The following CNTNAP2 variants were observed in gnomAD, a reference collection of about 807,000 sequenced individuals.
CNTNAP2 encodes contactin associated protein 2.
CNTNAP2 carries 98 observed loss-of-function variants against 155.2 expected under a neutral mutation model. The observed-to-expected ratio is 0.63, with a 90% CI of 0.54 to 0.75. The LOEUF (loss-of-function observed/expected upper bound fraction) is 0.75. Among genes scored for constraint, CNTNAP2 ranks in the 30% least tolerant of loss-of-function variants. The probability of loss-of-function intolerance (pLI) is 0.00; values close to 1 mark genes in which losing one functional copy is unlikely to be tolerated. For missense variants in CNTNAP2, 1,727 were observed against 1,688.1 expected, an observed-to-expected ratio of 1.02 and a Z score of -0.40; for synonymous variants, 651 against 631.2, an observed-to-expected ratio of 1.03 and a Z score of -0.47.
intron 13 of CNTNAP2, among the ~76,000 whole-genome samples, chr7:147,703,222 A>C (rs1796262580): frequency 6.6e-6 from 1 of 152,172 alleles, no homozygotes; most frequent in African/African-American, 2.4e-5. Context: ...CACTCTAATT[A>C]GAACACTGCA....
intron 11 of CNTNAP2, among the ~76,000 whole-genome samples, chr7:147,539,734 T>G (rs1294087429): frequency 6.6e-6 from 1 of 152,194 alleles, no homozygotes; most frequent in East Asian, 1.9e-4. Context: ...CTATGGACCA[T>G]GGTGTCAGGA....
At chr7:146,148,644 G>GT (rs759778260) in intron 1 of CNTNAP2, among the ~76,000 whole-genome samples, 18 of 152,164 alleles carry the variant, frequency 1.2e-4, no homozygotes, top group Non-Finnish European at 1.5e-4. Flanking sequence ...GAATAATAAA[G>GT]TTTTTTATCA....
intron 18 of CNTNAP2, among the ~76,000 whole-genome samples, chr7:148,183,650 T>A (rs1795074216): frequency 1.3e-5 from 2 of 151,226 alleles, no homozygotes; most frequent in Middle Eastern, 3.4e-3. Flanking sequence ...CCCTGCTAAG[T>A]TTTTAATTTT....
chr7:146,955,244 G>C (rs988032880), intron 3 of CNTNAP2, among the ~76,000 whole-genome samples: 3 of 151,984 alleles, frequency 2.0e-5, no homozygotes, highest in African/African-American at 7.2e-5. Context: ...AGCATTTGCT[G>C]TTAGTAGCTG....
intron 1 of CNTNAP2, among the ~76,000 whole-genome samples, chr7:146,119,223 T>C (rs1797528922): frequency 6.6e-6 from 1 of 152,108 alleles, no homozygotes; most frequent in Non-Finnish European, 1.5e-5. Context: ...CTATCATTTT[T>C]CTTTGGTACA....
intron 8 of CNTNAP2, among the ~76,000 whole-genome samples, chr7:147,170,939 G>T (rs1266188894): frequency 1.3e-5 from 2 of 152,156 alleles, no homozygotes; most frequent in Non-Finnish European, 2.9e-5. Flanking sequence ...TCTGGGGCCA[G>T]GGCCTCTCAG....
chr7:147,118,347 T>C (rs1319700176), intron 5 of CNTNAP2, among the ~76,000 whole-genome samples: 1 of 151,844 alleles, frequency 6.6e-6, no homozygotes, highest in Non-Finnish European at 1.5e-5. Flanking sequence ...TCCAAATATG[T>C]AATTTGCAAC....
chr7:147,091,822 G>C (rs1206775997), intron 4 of CNTNAP2, among the ~76,000 whole-genome samples: 1 of 152,124 alleles, frequency 6.6e-6, no homozygotes, highest in East Asian at 1.9e-4. Context: ...TAGCCAGGAT[G>C]ATCTCGATCT....
chr7:146,157,072 A>G (rs1798138220), intron 1 of CNTNAP2, among the ~76,000 whole-genome samples: 3 of 152,220 alleles, frequency 2.0e-5, no homozygotes, highest in Non-Finnish European at 2.9e-5. Context: ...AATATATTTA[A>G]TAGTATGTAT....
rs368851758 is a variant in CNTNAP2, at chr7:148,396,174, A to G, written c.3715+12286A>G. Among the ~76,000 whole-genome samples, 6 of 152,170 alleles carry G rather than the reference A, an allele frequency of 3.9e-5. No homozygotes were observed. The South Asian group carries it at 1.2e-3, about 31-fold the overall frequency. On this transcript the variant is annotated intron_variant, in intron 22 of 23. Transcript: ENST00000361727. ...TGACTTCTCTGTTGATGGCAGAACCACTGACTCCAGCAAGTCACAGTATTC... is the reference window on the plus strand; with the variant it reads ...TGACTTCTCTGTTGATGGCAGAACCGCTGACTCCAGCAAGTCACAGTATTC...
chr7:146,428,598 G>GT lies in CNTNAP2; in HGVS notation c.97+311634dup, dbSNP rs529126998. ...TGCCCACTTTTTAATGGGGTTGTTT[G>GT]TTTTTTTTTCTTTTAATTTTTTTTA... On this transcript the variant is annotated intron_variant, in intron 1 of 23. Coordinates refer to ENST00000361727, the MANE Select transcript of CNTNAP2 (RefSeq NM_014141.6). Among the ~76,000 whole-genome samples the GT allele has an allele frequency of 1.8e-4, 27 of 148,744 alleles. 1 individual carries two copies. In the South Asian group the frequency reaches 2.8e-3, roughly 15 times the overall value.
At chr7:146,594,997 G>A (rs1584998507) in intron 1 of CNTNAP2, among the ~76,000 whole-genome samples, 2 of 151,908 alleles carry the variant, frequency 1.3e-5, no homozygotes, top group South Asian at 4.1e-4. Context: ...GAATAAACTC[G>A]AGGACATAAG....
At chr7:147,671,967 C>T (rs1296734766) in intron 13 of CNTNAP2, 1 of 152,070 alleles carries the variant, frequency 6.6e-6, no homozygotes, top group African/African-American at 2.4e-5. Flanking sequence ...TAAGGGATTC[C>T]GTATCTCCTT....
rs187589506 is a variant in CNTNAP2 at position 146,291,777 on chromosome 7, C to A, written c.97+174804C>A. Reference sequence around the variant, plus strand: ...ACATAAGATCTGTAATGTAAAACTACTAGAAAAAACACAGGTGAATATCTA... The same window carrying A: ...ACATAAGATCTGTAATGTAAAACTAATAGAAAAAACACAGGTGAATATCTA... On this transcript the variant is annotated intron_variant, in intron 1 of 23. Transcript: ENST00000361727. 2.5e-3 allele frequency among the ~76,000 whole-genome samples: 381 copies of A among 152,184 alleles called. 2 individuals are homozygous for A. The highest frequency in any genetic ancestry group is 8.6e-3 in the African/African-American group (356 of 41,528).
chr7:148,307,607 G>A (rs757577910), intron 21 of CNTNAP2, among the ~76,000 whole-genome samples: 1 of 152,186 alleles, frequency 6.6e-6, no homozygotes, highest in Non-Finnish European at 1.5e-5. Flanking sequence ...AGTGGTAAAT[G>A]TAGGTGCTCA....
In CNTNAP2 at chr7:147,639,362, T is replaced by C. The variant is rs544310589; in HGVS notation, c.2098+56T>C. Reference sequence around the variant, plus strand: ...CACTATCTCAGCTGGTGCTTAGAATTGCCTAAAGAATCCAACAGGTGTGGT... The same window carrying C: ...CACTATCTCAGCTGGTGCTTAGAATCGCCTAAAGAATCCAACAGGTGTGGT... On this transcript the variant is annotated intron_variant, in intron 13 of 23. Coordinates refer to ENST00000361727, the MANE Select transcript of CNTNAP2 (RefSeq NM_014141.6). The C allele has an allele frequency of 1.0e-5, 16 of 1,528,040 alleles. No individual in the cohort carries two copies. The African/African-American group carries it at 1.1e-4, about 10-fold the overall frequency. 94.7% of individuals were successfully genotyped at this position (1,528,040 alleles called of 1,614,324 possible).
At chr7:146,460,001 A>G (rs750718969) in intron 1 of CNTNAP2, among the ~76,000 whole-genome samples, 21 of 151,958 alleles carry the variant, frequency 1.4e-4, no homozygotes, top group Middle Eastern at 3.4e-3. Flanking sequence ...AAAACAGAAA[A>G]CAGGGGCTAC....
chr7:146,428,201 A>T (rs1796120775), intron 1 of CNTNAP2, among the ~76,000 whole-genome samples: 1 of 152,150 alleles, frequency 6.6e-6, no homozygotes, highest in East Asian at 1.9e-4. Context: ...TGCTGCAATG[A>T]ACATACACAT....
intron 13 of CNTNAP2, among the ~76,000 whole-genome samples, chr7:147,711,936 A>G (rs1796405776): frequency 6.6e-6 from 1 of 152,176 alleles, no homozygotes; most frequent in Admixed American, 6.6e-5. Context: ...TTATTATAAT[A>G]GTGTTATAAA....
Sources: allele counts gnomAD v4.1 joint callset (sites outside exome capture counted in the v4.1 genomes callset), GRCh38; gene constraint gnomAD v4.1.1; transcripts MANE v1.5; gene names NCBI Gene and HGNC (gene_info 2026-07-23, HGNC 2026-07-21).